The following SPATA31H1 variants were observed in gnomAD, a reference collection of about 807,000 sequenced individuals.
The protein encoded by SPATA31H1 is SPATA31 subfamily H member 1.
At chr2:27,547,254 A>C in the SPATA31H1 span, among the ~76,000 whole-genome samples, 1 of 151,526 alleles carries the variant, frequency 6.6e-6, no homozygotes. Context: ...GCTCACTGCA[A>C]CTTCCGCCTT....
At chr2:27,538,661 G>A in the SPATA31H1 span, among the ~76,000 whole-genome samples, 5 of 151,890 alleles carry the variant, frequency 3.3e-5, no homozygotes, top group East Asian at 7.8e-4. Flanking sequence ...GTGGAACCCC[G>A]TCTCTACTAA....
the SPATA31H1 span, chr2:27,567,150 A>C: frequency 1.7e-3 from 1,127 of 673,332 alleles, 13 homozygotes; most frequent in African/African-American, 0.018. Context: ...ACAAAAAAGG[A>C]AAAAAAATGA....
At chr2:27,577,406 G>T in the SPATA31H1 span, 2 of 1,614,072 alleles carry the variant, frequency 1.2e-6, no homozygotes, top group Non-Finnish European at 1.7e-6. This position sits in a 1 kb window ranked among gnomAD's most constrained non-coding sequence, Gnocchi z 4.5. Context: ...AAGCTATGGG[G>T]TTGACCGCTG....
chr2:27,546,632 A>AG, the SPATA31H1 span, among the ~76,000 whole-genome samples: 1 of 152,028 alleles, frequency 6.6e-6, no homozygotes, highest in African/African-American at 2.4e-5. Flanking sequence ...TCTTGGGCTC[A>AG]AGTGATACTT....
At chr2:27,568,080 G>A in the SPATA31H1 span, 1 of 398,990 alleles carries the variant, frequency 2.5e-6, no homozygotes, top group Non-Finnish European at 4.4e-6. Context: ...ACTGAATCAA[G>A]TCACAGATAA....
chr2:27,556,911 A>T, the SPATA31H1 span, among the ~76,000 whole-genome samples: 1 of 83,066 alleles, frequency 1.2e-5, no homozygotes. Flanking sequence ...AGTGGTGATG[A>T]CTCTTAACGA....
chr2:27,567,223 G>A, the SPATA31H1 span: 9 of 620,482 alleles, frequency 1.5e-5, no homozygotes, highest in Middle Eastern at 5.1e-4. Context: ...TCCAAGGAGA[G>A]ACCACGACTT....
chr2:27,571,103 G>A, the SPATA31H1 span: 1 of 398,262 alleles, frequency 2.5e-6, no homozygotes, highest in Middle Eastern at 6.3e-4. Flanking sequence ...TGACATCTGC[G>A]GAATTAATCT....
At chr2:27,550,747 A>G in the SPATA31H1 span, among the ~76,000 whole-genome samples, 1 of 151,664 alleles carries the variant, frequency 6.6e-6, no homozygotes, top group African/African-American at 2.4e-5. Context: ...AGTGATTTTC[A>G]TGTCTCTATG....
the SPATA31H1 span, among the ~76,000 whole-genome samples, chr2:27,544,716 G>A: frequency 6.6e-6 from 1 of 151,562 alleles, no homozygotes; most frequent in Admixed American, 6.6e-5. Flanking sequence ...TGTATTTTTA[G>A]TAGGGACGAG....
the SPATA31H1 span, chr2:27,580,688 G>A: frequency 6.2e-7 from 1 of 1,614,202 alleles, no homozygotes; most frequent in Admixed American, 1.7e-5. Flanking sequence ...CTTCTGTTGG[G>A]CGGAAGCCTG....
At chr2:27,541,447 C>T in the SPATA31H1 span, among the ~76,000 whole-genome samples, 3 of 151,578 alleles carry the variant, frequency 2.0e-5, no homozygotes, top group Admixed American at 6.6e-5. Context: ...GGAGAGACAC[C>T]AACTCATCAT....
chr2:27,551,099 A>G, the SPATA31H1 span, among the ~76,000 whole-genome samples: 5 of 151,894 alleles, frequency 3.3e-5, no homozygotes, highest in African/African-American at 1.2e-4. Flanking sequence ...CAAGTTGGAC[A>G]GGCTGGTCTC....
chr2:27,580,123 G>GAGATAGACCCGTCAT, the SPATA31H1 span: 1 of 1,614,188 alleles, frequency 6.2e-7, no homozygotes, highest in Non-Finnish European at 8.5e-7. Context: ...TATCGTGAAA[G>GAGATAGACCCGTCAT]AGATAGACCC....
At chr2:27,567,496 A>C in the SPATA31H1 span, 1 of 413,402 alleles carries the variant, frequency 2.4e-6, no homozygotes, top group Non-Finnish European at 4.3e-6. Context: ...TTTCAGCTCC[A>C]TGTGAATGCT....
chr2:27,541,771 G>C, the SPATA31H1 span, among the ~76,000 whole-genome samples: 1 of 151,860 alleles, frequency 6.6e-6, no homozygotes, highest in Non-Finnish European at 1.5e-5. Flanking sequence ...CTAATCATAT[G>C]TGACCATTTA....
the SPATA31H1 span, chr2:27,582,668 GC>G: frequency 1.2e-6 from 1 of 813,310 alleles, no homozygotes; most frequent in Non-Finnish European, 1.9e-6. Context: ...CGGGGGGGAG[GC>G]GGGTGAGAAT....
the SPATA31H1 span, chr2:27,575,070 C>A: frequency 7.5e-6 from 3 of 398,526 alleles, no homozygotes; most frequent in African/African-American, 6.2e-5. This position sits in a 1 kb window ranked among gnomAD's most constrained non-coding sequence, Gnocchi z 4.1. Context: ...TATGTTGACA[C>A]CAGGGATACA....
At chr2:27,538,347 G>C in the SPATA31H1 span, among the ~76,000 whole-genome samples, 1 of 152,156 alleles carries the variant, frequency 6.6e-6, no homozygotes, top group Admixed American at 6.5e-5. Flanking sequence ...GTCTGGGGTA[G>C]GGACTGAGTT....
Sources: allele counts gnomAD v4.1 joint callset (sites outside exome capture counted in the v4.1 genomes callset), GRCh38; gene constraint gnomAD v4.1.1; non-coding constraint Gnocchi (gnomAD v3.1); transcripts MANE v1.5; gene names NCBI Gene and HGNC (gene_info 2026-07-23, HGNC 2026-07-21).